PKP4: variants seen among roughly 807,000 people sequenced by gnomAD.
PKP4 encodes the protein plakophilin 4.
Under a neutral mutation model 145.1 loss-of-function variants are expected in PKP4, and 90 were observed. The ratio of observed to expected loss-of-function variants is 0.62; its 90% CI spans 0.52 to 0.74. The LOEUF (loss-of-function observed/expected upper bound fraction) is 0.74, where lower values mean the gene tolerates loss of function less well. PKP4 is among the 30% of genes least tolerant of loss of function. The probability of loss-of-function intolerance (pLI) is 0.00; values close to 1 mark genes in which losing one functional copy is unlikely to be tolerated. For missense variants in PKP4, 1,340 were observed against 1,482.7 expected (o/e 0.90, Z 1.58); for synonymous variants, 563 against 577.2 (o/e 0.98, Z 0.35).
chr2:158,666,147 GC>G, intron 15 of PKP4: 1 of 257,960 alleles, frequency 3.9e-6, no homozygotes, highest in Non-Finnish European at 7.4e-6. Flanking sequence ...AGTAATCACT[GC>G]CTTCTCTTTT....
intron 9 of PKP4, among the ~76,000 whole-genome samples, chr2:158,639,371 C>T (rs918646461): frequency 1.3e-5 from 2 of 152,044 alleles, no homozygotes; most frequent in African/African-American, 4.8e-5. Flanking sequence ...TGTGTGCACA[C>T]AGGTGTGGGA....
intron 12 of PKP4, 22 bp from the exon 13 acceptor site, chr2:158,661,311 C>A: frequency 6.4e-7 from 1 of 1,565,624 alleles, no homozygotes; most frequent in South Asian, 1.1e-5. Context: ...CTCAGCAGCT[C>A]CTCCTGTCTC....
chr2:158,595,227 G>A (rs990371351), intron 3 of PKP4, among the ~76,000 whole-genome samples: 2 of 152,272 alleles, frequency 1.3e-5, no homozygotes, highest in South Asian at 2.1e-4. Flanking sequence ...TTAGTAAGTG[G>A]TATGAATTTT....
At chr2:158,465,466 A>G (rs1387240085) in intron 1 of PKP4, among the ~76,000 whole-genome samples, 1 of 152,234 alleles carries the variant, frequency 6.6e-6, no homozygotes, top group East Asian at 1.9e-4. Context: ...ATGACAATAC[A>G]TGATTTATGA....
chr2:158,574,938 C>CT (rs2047719186), intron 2 of PKP4, among the ~76,000 whole-genome samples: 1 of 152,218 alleles, frequency 6.6e-6, no homozygotes, highest in Non-Finnish European at 1.5e-5. Flanking sequence ...AACTCAAGAA[C>CT]TGTAAATTGT....
intron 1 of PKP4, among the ~76,000 whole-genome samples, chr2:158,497,061 C>T (rs567482640): frequency 3.9e-5 from 6 of 152,146 alleles, no homozygotes; most frequent in South Asian, 4.2e-4. Context: ...AGGTGTGCCA[C>T]GATTCTTCAG....
chr2:158,677,838 CT>C (rs1297324219), intron 20 of PKP4, among the ~76,000 whole-genome samples: 1 of 152,234 alleles, frequency 6.6e-6, no homozygotes, highest in African/African-American at 2.4e-5. Context: ...CCTGCTTTAT[CT>C]TACAGATCAC....
intron 1 of PKP4, among the ~76,000 whole-genome samples, chr2:158,461,245 G>A (rs532325735): frequency 6.6e-6 from 1 of 152,108 alleles, no homozygotes; most frequent in Non-Finnish European, 1.5e-5. Flanking sequence ...ACTAAATTGG[G>A]GATGTTACAT....
intron 3 of PKP4, among the ~76,000 whole-genome samples, chr2:158,595,671 A>G (rs2049665293): frequency 6.6e-6 from 1 of 152,222 alleles, no homozygotes; most frequent in Admixed American, 6.5e-5. Context: ...ATAATTGAAG[A>G]TTTCATTTAA....
intron 13 of PKP4, chr2:158,662,121 T>C (rs1411936459): frequency 6.6e-6 from 1 of 152,636 alleles, no homozygotes; most frequent in Admixed American, 6.5e-5. Context: ...CAGGATGGAC[T>C]GGACTAGGAG....
intron 7 of PKP4, among the ~76,000 whole-genome samples, chr2:158,631,030 C>T (rs375236806): frequency 4.6e-5 from 7 of 152,040 alleles, no homozygotes; most frequent in Non-Finnish European, 8.8e-5. Context: ...CTCCGCCTTC[C>T]GGGTTCACGC....
chr2:158,647,907 A>G (rs1024865990), intron 11 of PKP4, among the ~76,000 whole-genome samples: 59 of 152,364 alleles, frequency 3.9e-4, no homozygotes, highest in African/African-American at 1.3e-3. Flanking sequence ...TCACTAAAAA[A>G]GATATGTTGA....
At chr2:158,470,882 G>A (rs1691462441) in intron 1 of PKP4, among the ~76,000 whole-genome samples, 1 of 152,144 alleles carries the variant, frequency 6.6e-6, no homozygotes, top group Non-Finnish European at 1.5e-5. Context: ...GTGCGGGGCT[G>A]GGGAGGGGAG....
chr2:158,676,850 A>T lies in PKP4; in HGVS notation c.3239A>T (p.His1080Leu), dbSNP rs577857959. Residue 1080 changes from histidine to leucine, a missense_variant, in exon 20 of 22, where the codon CAT (histidine) becomes CTT (leucine). Coordinates refer to ENST00000389759, the MANE Select transcript of PKP4 (RefSeq NM_003628.6). ...TACAATAGCCAAGGGGATGCCACAC[A>T]TAAAGGCCTGTACCCTGGTAAGACG... is the stretch of plus-strand genomic sequence containing the variant. ...QYYNSQGDAT[H>L]KGLYPGSSKP... The T allele has an allele frequency of 1.9e-6, 3 of 1,614,112 alleles. No individual in the cohort carries two copies. The highest frequency in any genetic ancestry group is 1.3e-5 in the African/African-American group (1 of 75,034).
At chr2:158,497,927 A>G (rs773905865) in intron 1 of PKP4, among the ~76,000 whole-genome samples, 2 of 152,218 alleles carry the variant, frequency 1.3e-5, no homozygotes, top group African/African-American at 2.4e-5. Context: ...TCCACAAAAC[A>G]GAAGTGTAGG....
chr2:158,625,215 C>T lies in PKP4; in HGVS notation c.941C>T (p.Ser314Phe), dbSNP rs1464849540. The T allele has an allele frequency of 2.5e-6, 4 of 1,614,158 alleles. No individual in the cohort carries two copies. Among genetic ancestry groups the T allele is most frequent in the Non-Finnish European group, 3.4e-6 (4 of 1,180,020 alleles). Residue 314 changes from serine to phenylalanine, a missense_variant, in exon 7 of 22, where the codon TCC (serine) becomes TTC (phenylalanine). Physicochemically the swap from Ser to Phe is radical, Grantham distance 155. Coordinates refer to ENST00000389759, the MANE Select transcript of PKP4 (RefSeq NM_003628.6). ...PQYQTTARVG[S>F]PLTLTDAQTR... is the part of the protein sequence containing the mutation. ...TACCAAACCACCGCCAGAGTGGGGT[C>T]CCCACTGACCCTGACGGATGCACAG...
chr2:158,534,273 G>T (rs1223441616), intron 2 of PKP4, among the ~76,000 whole-genome samples: 1 of 152,174 alleles, frequency 6.6e-6, no homozygotes, highest in Non-Finnish European at 1.5e-5. Flanking sequence ...TCGTAACTTG[G>T]AATGTGGCAT....
At position 158,582,565 on chromosome 2, in the gene PKP4, A is replaced by G. The variant is rs1200991380; in HGVS notation, c.245+5182A>G. 1.3e-5 allele frequency among the ~76,000 whole-genome samples: 2 copies of G among 152,174 alleles called. 1 individual carries two copies. The highest frequency in any genetic ancestry group is 6.3e-3 in the Middle Eastern group (2 of 316). ...AGACAAAAACGCTAATGAATTCCAC[A>G]ATTCATGTGTCTGTAAGAGAAAAAC... On this transcript the variant is annotated intron_variant, in intron 3 of 21. Transcript: ENST00000389759.
intron 1 of PKP4, among the ~76,000 whole-genome samples, chr2:158,515,372 C>A (rs2041850742): frequency 6.6e-6 from 1 of 151,978 alleles, no homozygotes; most frequent in African/African-American, 2.4e-5. Flanking sequence ...TAGTCCCAGC[C>A]TACTTGAGAG....
Sources: gnomAD v4.1 joint callset for allele counts (sites outside exome capture counted in the v4.1 genomes callset) on GRCh38, gnomAD v4.1.1 for gene constraint, MANE v1.5 for transcripts, NCBI Gene and HGNC (gene_info 2026-07-23, HGNC 2026-07-21) for gene names.